SPIDR: variants seen among roughly 807,000 people sequenced by gnomAD.
SPIDR encodes the protein DNA repair-scaffolding protein.
SPIDR carries 93 observed loss-of-function variants against 104.6 expected under a neutral mutation model. The observed-to-expected ratio is 0.89, with a 90% CI of 0.75 to 1.06. The LOEUF (loss-of-function observed/expected upper bound fraction) is 1.06. SPIDR is among the 50% of genes least tolerant of loss of function. The pLI is 0.00. For missense variants in SPIDR, 1,154 were observed against 1,111.2 expected, an observed-to-expected ratio of 1.04 and a Z score of -0.55; for synonymous variants, 431 against 416.9, an observed-to-expected ratio of 1.03 and a Z score of -0.41.
chr8:47,468,177 A>G (rs1016766393), intron 8 of SPIDR, among the ~76,000 whole-genome samples: 3 of 152,206 alleles, frequency 2.0e-5, no homozygotes, highest in Non-Finnish European at 4.4e-5. Flanking sequence ...CGAGTACTAC[A>G]AAACACTGCT....
At chr8:47,309,384 C>A (rs2043705868) in intron 5 of SPIDR, among the ~76,000 whole-genome samples, 1 of 152,050 alleles carries the variant, frequency 6.6e-6, no homozygotes, top group African/African-American at 2.4e-5. Flanking sequence ...TGTATCTGTT[C>A]ATTATCTTAG....
intron 8 of SPIDR, among the ~76,000 whole-genome samples, chr8:47,516,633 A>G (rs888286479): frequency 6.6e-6 from 1 of 152,182 alleles, no homozygotes; most frequent in Non-Finnish European, 1.5e-5. Flanking sequence ...ATAATATTCT[A>G]TTGTATGTAT....
At chr8:47,397,356 C>T (rs973868134) in intron 6 of SPIDR, among the ~76,000 whole-genome samples, 6 of 151,924 alleles carry the variant, frequency 3.9e-5, no homozygotes, top group Admixed American at 6.6e-5. Context: ...ATTAGCTGGG[C>T]GTGGAGGTGC....
rs769479199 is a variant in SPIDR, at chr8:47,676,893, C to A, written c.1685+2952C>A. Among the ~76,000 whole-genome samples, 68 of 152,238 alleles carry A rather than the reference C, an allele frequency of 4.5e-4. 1 individual carries two copies. The highest frequency in any genetic ancestry group is 4.4e-5 in the Non-Finnish European group (3 of 68,048). Reference sequence around the variant, plus strand: ...ATGCAGGGAGCACCGCTCCAGCCACCTGCTTTGGTCCAGAGGCTCGCAGAA... The same window carrying A: ...ATGCAGGGAGCACCGCTCCAGCCACATGCTTTGGTCCAGAGGCTCGCAGAA... On this transcript the variant is annotated intron_variant, in intron 11 of 19. Coordinates refer to ENST00000297423, the MANE Select transcript of SPIDR (RefSeq NM_001080394.4).
intron 5 of SPIDR, among the ~76,000 whole-genome samples, chr8:47,395,945 A>G (rs1468363387): frequency 6.6e-6 from 1 of 152,228 alleles, no homozygotes; most frequent in Non-Finnish European, 1.5e-5. Context: ...TAAATGATTT[A>G]TACCTGAAGA....
intron 8 of SPIDR, among the ~76,000 whole-genome samples, chr8:47,565,248 A>G (rs1415556064): frequency 2.0e-5 from 3 of 152,152 alleles, no homozygotes; most frequent in South Asian, 2.1e-4. Context: ...TTCCGTCTCA[A>G]AAAGAAAGAG....
intron 10 of SPIDR, among the ~76,000 whole-genome samples, chr8:47,608,073 C>T (rs1008330104): frequency 1.1e-4 from 17 of 152,148 alleles, no homozygotes; most frequent in South Asian, 4.1e-4. Flanking sequence ...TTTCTGCAAC[C>T]TCAAAAAGAA....
At chr8:47,387,295 G>A (rs554581139) in intron 5 of SPIDR, among the ~76,000 whole-genome samples, 44 of 152,248 alleles carry the variant, frequency 2.9e-4, no homozygotes, top group African/African-American at 9.9e-4. Context: ...CAGGGCAGGT[G>A]GGGGGCATTG....
intron 5 of SPIDR, among the ~76,000 whole-genome samples, chr8:47,347,680 T>C (rs1390901584): frequency 6.6e-6 from 1 of 152,248 alleles, no homozygotes; most frequent in Non-Finnish European, 1.5e-5. Context: ...CTCTTCTTGT[T>C]GATCCCTTTA....
intron 10 of SPIDR, among the ~76,000 whole-genome samples, chr8:47,655,664 A>G (rs991633530): frequency 6.6e-6 from 1 of 152,088 alleles, no homozygotes; most frequent in Admixed American, 6.5e-5. Flanking sequence ...ATTTTCTCCC[A>G]TTCTGTAGGT....
chr8:47,685,513 A>ATTTTTTTTTTTTTTT (rs376980650), intron 11 of SPIDR, among the ~76,000 whole-genome samples: 7 of 121,048 alleles, frequency 5.8e-5, no homozygotes, highest in Non-Finnish European at 1.1e-4. Flanking sequence ...TTATTTATTT[A>ATTTTTTTTTTTTTTT]TTTATTTTTT....
At chr8:47,425,556 A>G (rs2066280384) in intron 7 of SPIDR, among the ~76,000 whole-genome samples, 1 of 152,188 alleles carries the variant, frequency 6.6e-6, no homozygotes, top group Admixed American at 6.5e-5. Context: ...TGAGGTGCCT[A>G]AACAGTTTTG....
intron 11 of SPIDR, among the ~76,000 whole-genome samples, chr8:47,686,847 A>C (rs922298170): frequency 3.3e-5 from 5 of 152,206 alleles, no homozygotes; most frequent in African/African-American, 1.2e-4. Context: ...AAACAACAGC[A>C]ATAAACTATC....
At chr8:47,350,143 A>G (rs1462079473) in intron 5 of SPIDR, among the ~76,000 whole-genome samples, 4 of 152,200 alleles carry the variant, frequency 2.6e-5, no homozygotes, top group African/African-American at 9.7e-5. Flanking sequence ...ATTTGCTGTT[A>G]TTGTAATCCC....
intron 10 of SPIDR, among the ~76,000 whole-genome samples, chr8:47,620,437 TTTTTA>T (rs2064980625): frequency 6.6e-6 from 1 of 151,716 alleles, no homozygotes; most frequent in African/African-American, 2.4e-5. Context: ...CTGGCTAATT[TTTTTA>T]TTTTTAGTAG....
intron 7 of SPIDR, among the ~76,000 whole-genome samples, chr8:47,416,661 T>C (rs1462495142): frequency 1.3e-5 from 2 of 152,190 alleles, no homozygotes; most frequent in Non-Finnish European, 2.9e-5. Flanking sequence ...AGGGTACATG[T>C]GCACAACATG....
At chr8:47,686,497 C>CA (rs2077844885) in intron 11 of SPIDR, among the ~76,000 whole-genome samples, 2 of 152,190 alleles carry the variant, frequency 1.3e-5, no homozygotes, top group Non-Finnish European at 2.9e-5. Context: ...GCTTGAGTGT[C>CA]ACTAGAGTCA....
At chr8:47,416,668 C>T (rs1329839873) in intron 7 of SPIDR, among the ~76,000 whole-genome samples, 1 of 151,944 alleles carries the variant, frequency 6.6e-6, no homozygotes, top group African/African-American at 2.4e-5. Context: ...ATGTGCACAA[C>T]ATGCAGGTTT....
intron 5 of SPIDR, among the ~76,000 whole-genome samples, chr8:47,370,718 G>C (rs1275210894): frequency 6.6e-6 from 1 of 151,780 alleles, no homozygotes; most frequent in South Asian, 2.1e-4. Flanking sequence ...CCAAAGTGCT[G>C]TGATTACAGG....
Sources: gnomAD v4.1 joint callset for allele counts (sites outside exome capture counted in the v4.1 genomes callset) on GRCh38, gnomAD v4.1.1 for gene constraint, MANE v1.5 for transcripts, NCBI Gene and HGNC (gene_info 2026-07-23, HGNC 2026-07-21) for gene names.